Variants in EPC2 observed in about 807,000 individuals in gnomAD.
EPC2 encodes the protein enhancer of polycomb 2, also known as enhancer of polycomb homolog 2.
Under a neutral mutation model 92.1 loss-of-function variants are expected in EPC2, and 14 were observed. That is an observed-to-expected ratio of 0.15 (90% confidence interval 0.10 to 0.24). The LOEUF (loss-of-function observed/expected upper bound fraction) is 0.24, where lower values mean the gene tolerates loss of function less well. EPC2 is among the 10% of genes least tolerant of loss of function. The pLI, the probability that EPC2 is intolerant of heterozygous loss-of-function variation, is 1.00. For synonymous variants in EPC2, 340 were observed against 334.7 expected (o/e 1.02, Z -0.17); for missense variants, 755 against 971.5 (o/e 0.78, Z 2.96).
At chr2:148,740,784 C>G (rs1221584990) in intron 2 of EPC2, among the ~76,000 whole-genome samples, 1 of 152,108 alleles carries the variant, frequency 6.6e-6, no homozygotes, top group Non-Finnish European at 1.5e-5. Flanking sequence ...TCCACACTTT[C>G]CTAAATCTTT....
chr2:148,682,632 C>G (rs1681422685), intron 1 of EPC2, among the ~76,000 whole-genome samples: 1 of 152,106 alleles, frequency 6.6e-6, no homozygotes, highest in African/African-American at 2.4e-5. Flanking sequence ...TACGTTGTTA[C>G]TGTTGGTTTC....
intron 2 of EPC2, among the ~76,000 whole-genome samples, chr2:148,700,169 C>T (rs115277637): frequency 0.014 from 2,142 of 152,058 alleles, 52 homozygotes; most frequent in African/African-American, 0.049. Context: ...CCTCTCTGTG[C>T]CTTGTCTTTT....
At chr2:148,779,327 A>G (rs947082976) in intron 10 of EPC2, among the ~76,000 whole-genome samples, 1 of 152,168 alleles carries the variant, frequency 6.6e-6, no homozygotes, top group Non-Finnish European at 1.5e-5. Context: ...CATGCATGTA[A>G]TTCCAGCACT....
chr2:148,653,134 A>C (rs1680718554), intron 1 of EPC2, among the ~76,000 whole-genome samples: 1 of 152,224 alleles, frequency 6.6e-6, no homozygotes, highest in Non-Finnish European at 1.5e-5. Flanking sequence ...TTCAGTACCC[A>C]AGACAGGCAG....
intron 2 of EPC2, among the ~76,000 whole-genome samples, chr2:148,727,028 T>C (rs985748231): frequency 4.1e-4 from 62 of 152,234 alleles, no homozygotes; most frequent in African/African-American, 1.4e-3. Context: ...AAGTCTTTCT[T>C]CCTGTATTTT....
At chr2:148,732,425 G>A (rs1028394079) in intron 2 of EPC2, among the ~76,000 whole-genome samples, 107 of 145,576 alleles carry the variant, frequency 7.4e-4, no homozygotes, top group African/African-American at 2.4e-3. Context: ...CTGTTGCGTA[G>A]GCTAGAGTGC....
At chr2:148,782,151 G>C (rs1396734614) in intron 11 of EPC2, among the ~76,000 whole-genome samples, 1 of 152,164 alleles carries the variant, frequency 6.6e-6, no homozygotes, top group Non-Finnish European at 1.5e-5. Flanking sequence ...AGTGCATGTG[G>C]ATGTGCTCCA....
intron 3 of EPC2, among the ~76,000 whole-genome samples, chr2:148,745,956 C>T (rs1268588940): frequency 6.6e-6 from 1 of 151,958 alleles, no homozygotes; most frequent in African/African-American, 2.4e-5. Context: ...ATTTTCAGTC[C>T]CAATCTGTTT....
intron 10 of EPC2, among the ~76,000 whole-genome samples, chr2:148,775,437 C>CT (rs1481115026): frequency 6.6e-6 from 1 of 151,806 alleles, no homozygotes; most frequent in Non-Finnish European, 1.5e-5. Context: ...TCTAAAAGTG[C>CT]TTTGCTTTTT....
intron 2 of EPC2, among the ~76,000 whole-genome samples, chr2:148,719,928 G>T (rs986685164): frequency 3.3e-5 from 5 of 152,238 alleles, no homozygotes; most frequent in African/African-American, 9.6e-5. Flanking sequence ...ATAGAACATG[G>T]GTGGTGACTA....
Position 148,771,151 on chromosome 2 carries a change from C to T in EPC2, c.1484C>T (p.Ser495Phe). 2 of 1,613,958 alleles carry T rather than the reference C, an allele frequency of 1.2e-6. No homozygotes were observed. The highest frequency in any genetic ancestry group is 1.7e-6 in the Non-Finnish European group (2 of 1,179,860). The part of the protein sequence containing the change: ...SSSSQTIDFS[S>F]NFSRTNASSK... ...TCTTCCCAAACTATAGACTTTTCTT[C>T]TAATTTCTCTCGGACCAATGCTTCC... Residue 495 changes from serine to phenylalanine, a missense_variant, in exon 10 of 14, where the codon TCT becomes TTT. Ser to Phe is a radical substitution (Grantham distance 155). This residue lies in a region of EPC2 where 509 missense variants were observed against 607.7 expected (regional missense o/e 0.84). Transcript: ENST00000258484.
At chr2:148,755,544 T>G (rs1683173198) in intron 4 of EPC2, among the ~76,000 whole-genome samples, 1 of 152,230 alleles carries the variant, frequency 6.6e-6, no homozygotes, top group African/African-American at 2.4e-5. Flanking sequence ...ATTATAATAC[T>G]GTACTTTTAC....
In EPC2 at chr2:148,712,060, T is replaced by C. The variant is rs115078921; in HGVS notation, c.313+21687T>C. 6.2e-4 allele frequency among the ~76,000 whole-genome samples: 95 copies of C among 152,336 alleles called. 1 individual carries two copies. The highest frequency in any genetic ancestry group is 1.8e-3 in the African/African-American group (75 of 41,574). On this transcript the variant is annotated intron_variant, in intron 2 of 13. Transcript: ENST00000258484. Reference sequence around the variant, plus strand: ...AGTTGGTGTATTTAGACCATTGATATTTAAAGTGATTATTGATTTCCTTGG... The same window carrying C: ...AGTTGGTGTATTTAGACCATTGATACTTAAAGTGATTATTGATTTCCTTGG...
Position 148,679,719 on chromosome 2 carries a change from C to T in EPC2, c.154-10495C>T, listed in dbSNP as rs1440623619. On this transcript the variant is annotated intron_variant, in intron 1 of 13. Transcript: ENST00000258484. The stretch of plus-strand genomic sequence containing the variant: ...GGAGTGCCGTGTTGCAGTCACAGCT[C>T]ACTGCAGCCTCCCATTCCTGCGCTC... 3.3e-5 allele frequency among the ~76,000 whole-genome samples: 5 copies of T among 152,276 alleles called. No individual in the cohort carries two copies. The East Asian group carries it at 9.6e-4, about 29-fold the overall frequency.
chr2:148,695,036 C>T (rs921957569), intron 2 of EPC2, among the ~76,000 whole-genome samples: 3 of 152,216 alleles, frequency 2.0e-5, no homozygotes, highest in Non-Finnish European at 4.4e-5. Flanking sequence ...CCTTGGCCTC[C>T]TAAAGTGTTG....
rs115632249 is a variant in EPC2, at chr2:148,724,342, G to A, written c.314-19280G>A. Reference sequence around the variant, plus strand: ...CATATAAATGTTAGTGACCAGATCAGGATAATAGCATGTCCATCATCTCAA... The same window carrying A: ...CATATAAATGTTAGTGACCAGATCAAGATAATAGCATGTCCATCATCTCAA... On this transcript the variant is annotated intron_variant, in intron 2 of 13. Transcript: ENST00000258484. 8.4e-3 allele frequency among the ~76,000 whole-genome samples: 1,274 copies of A among 152,164 alleles called. 18 individuals carry two copies. The highest frequency in any genetic ancestry group is 0.028 in the African/African-American group (1,156 of 41,518).
intron 2 of EPC2, among the ~76,000 whole-genome samples, chr2:148,700,323 C>A (rs966139687): frequency 6.6e-6 from 1 of 152,036 alleles, no homozygotes; most frequent in African/African-American, 2.4e-5. Flanking sequence ...GAGATTTTCT[C>A]CAGTGTTATT....
intron 1 of EPC2, among the ~76,000 whole-genome samples, chr2:148,654,395 A>G (rs1385477032): frequency 6.6e-6 from 1 of 152,214 alleles, no homozygotes; most frequent in Non-Finnish European, 1.5e-5. Context: ...ATTCTGTGAT[A>G]GAGTTTCACA....
At chr2:148,674,310 T>C (rs1398488683) in intron 1 of EPC2, among the ~76,000 whole-genome samples, 1 of 152,176 alleles carries the variant, frequency 6.6e-6, no homozygotes, top group African/African-American at 2.4e-5. Flanking sequence ...ACTGAGTTCT[T>C]TTGTTCTCTA....
Sources: allele counts gnomAD v4.1 joint callset (sites outside exome capture counted in the v4.1 genomes callset), GRCh38; gene constraint gnomAD v4.1.1; regional missense constraint gnomAD v4.1.1; transcripts MANE v1.5; gene names NCBI Gene and HGNC (gene_info 2026-07-23, HGNC 2026-07-21).